FAT3: variants seen among roughly 807,000 people sequenced by gnomAD.
The protein encoded by FAT3 is protocadherin Fat 3.
In FAT3, 95 loss-of-function variants were observed where a neutral mutation model predicts 310.2. That is an observed-to-expected ratio of 0.31 (90% confidence interval 0.26 to 0.36). The LOEUF (loss-of-function observed/expected upper bound fraction) is 0.36, where lower values mean the gene tolerates loss of function less well. Ranked by LOEUF, FAT3 falls within the 10% of genes least tolerant of loss-of-function variation. FAT3 has a pLI of 1.00. For missense variants in FAT3, 5,408 were observed against 5,715.6 expected, an observed-to-expected ratio of 0.95 and a Z score of 1.74; for synonymous variants, 2,314 against 2,192.9, an observed-to-expected ratio of 1.06 and a Z score of -1.54.
intron 1 of FAT3, among the ~76,000 whole-genome samples, chr11:92,239,338 A>G (rs1012617825): frequency 6.6e-6 from 1 of 152,006 alleles, no homozygotes. Flanking sequence ...AGGTTGTAGT[A>G]CCCCTTCAAA....
At chr11:92,712,306 G>A (rs147077058) in intron 4 of FAT3, among the ~76,000 whole-genome samples, 1 of 152,118 alleles carries the variant, frequency 6.6e-6, no homozygotes, top group Non-Finnish European at 1.5e-5. Context: ...AGGGACTCTG[G>A]AAAGACTCTT....
chr11:92,617,936 C>G (rs890390993), intron 3 of FAT3, among the ~76,000 whole-genome samples: 7 of 152,190 alleles, frequency 4.6e-5, no homozygotes, highest in African/African-American at 1.7e-4. Flanking sequence ...GCATCAGGGC[C>G]CACTTGAGGA....
At chr11:92,702,169 A>G (rs1286669071) in intron 4 of FAT3, among the ~76,000 whole-genome samples, 29 of 152,192 alleles carry the variant, frequency 1.9e-4, no homozygotes. Context: ...CATGCTCAGG[A>G]CGCTGTCTGT....
chr11:92,407,610 A>C (rs1019695158), intron 2 of FAT3, among the ~76,000 whole-genome samples: 6 of 152,116 alleles, frequency 3.9e-5, no homozygotes, highest in African/African-American at 1.4e-4. Context: ...ATCAGACTGA[A>C]ATCTAATGTA....
chr11:92,516,370 A>C (rs1188629057), intron 2 of FAT3, among the ~76,000 whole-genome samples: 1 of 152,180 alleles, frequency 6.6e-6, no homozygotes, highest in East Asian at 1.9e-4. Context: ...TCACATAAAC[A>C]GAACCTACGA....
At chr11:92,225,924 T>A (rs984697304) in intron 1 of FAT3, among the ~76,000 whole-genome samples, 1 of 151,728 alleles carries the variant, frequency 6.6e-6, no homozygotes, top group African/African-American at 2.4e-5. Flanking sequence ...GGCGGGCGTG[T>A]GGGAAGGCTG....
chr11:92,253,819 A>G (rs1208450329), intron 1 of FAT3, among the ~76,000 whole-genome samples: 5 of 152,200 alleles, frequency 3.3e-5, no homozygotes, highest in African/African-American at 9.6e-5. Flanking sequence ...TGTTTACTGC[A>G]GAAACATCCA....
chr11:92,334,009 A>T (rs190597040), intron 1 of FAT3, among the ~76,000 whole-genome samples: 1 of 152,292 alleles, frequency 6.6e-6, no homozygotes, highest in Admixed American at 6.5e-5. Context: ...AATGTAGTTA[A>T]CCAGTATTCA....
chr11:92,712,153 G>C (rs963930299), intron 4 of FAT3, among the ~76,000 whole-genome samples: 1 of 152,176 alleles, frequency 6.6e-6, no homozygotes, highest in Non-Finnish European at 1.5e-5. Context: ...GGCTTGACAT[G>C]TCTCTGAGAG....
rs1452550985 is a variant in FAT3 at position 92,895,408 on chromosome 11, A to G, written c.*4295A>G. 3 of 152,224 alleles carry G rather than the reference A, an allele frequency of 2.0e-5. No individual in the cohort carries two copies. Among genetic ancestry groups the G allele is most frequent in the African/African-American group, 7.2e-5 (3 of 41,466 alleles). 9.4% of individuals were successfully genotyped at this position (152,224 alleles called of 1,614,324 possible). A position where few individuals can be genotyped will look rare whatever the true frequency, so the allele number is the denominator to read the frequency against. On this transcript the variant is annotated 3_prime_UTR_variant, in exon 28 of 28. Coordinates refer to ENST00000525166, the MANE Select transcript of FAT3 (RefSeq NM_001367949.2). ...TAATATTTAGCCAGCTGGCTAAGAG[A>G]TAGGAAAAGAATATGATATTTCTTT...
At chr11:92,870,131 G>C (rs10830952) in intron 22 of FAT3, among the ~76,000 whole-genome samples, 46,195 of 152,130 alleles carry the variant, frequency 0.3, 7,851 homozygotes, top group South Asian at 0.46. Flanking sequence ...TTCTCCTGGC[G>C]GCAGACTCCA....
intron 8 of FAT3, among the ~76,000 whole-genome samples, chr11:92,792,376 G>GT (rs766159188): frequency 3.3e-5 from 5 of 152,166 alleles, no homozygotes; most frequent in Non-Finnish European, 7.3e-5. Flanking sequence ...ATTAATTCCA[G>GT]TCTTTAATTG....
chr11:92,374,587 C>A (rs1303883744), intron 2 of FAT3, among the ~76,000 whole-genome samples: 2 of 152,172 alleles, frequency 1.3e-5, no homozygotes, highest in Non-Finnish European at 1.5e-5. Context: ...CCACTATGAA[C>A]TGTAGGAAGA....
At chr11:92,269,638 C>T (rs973618186) in intron 1 of FAT3, among the ~76,000 whole-genome samples, 10 of 152,162 alleles carry the variant, frequency 6.6e-5, no homozygotes, top group Middle Eastern at 3.4e-3. Context: ...ATAATAAAAC[C>T]GTGCATGTCT....
At chr11:92,703,525 G>T (rs979361427) in intron 4 of FAT3, among the ~76,000 whole-genome samples, 2 of 152,206 alleles carry the variant, frequency 1.3e-5, no homozygotes, top group African/African-American at 4.8e-5. Flanking sequence ...GTCAGAAGGA[G>T]AGTTGATGAC....
intron 3 of FAT3, among the ~76,000 whole-genome samples, chr11:92,535,278 T>G (rs548854745): frequency 6.6e-6 from 1 of 152,244 alleles, no homozygotes; most frequent in East Asian, 1.9e-4. Context: ...AGCCAAGGAA[T>G]TCCAAGGATT....
intron 21 of FAT3, among the ~76,000 whole-genome samples, chr11:92,865,423 A>ATTTCC (rs1193539012): frequency 6.6e-6 from 1 of 152,020 alleles, no homozygotes; most frequent in Non-Finnish European, 1.5e-5. Flanking sequence ...TTGTCCTGTC[A>ATTTCC]TTTCCTTTCC....
intron 2 of FAT3, among the ~76,000 whole-genome samples, chr11:92,428,647 AG>A (rs1174089514): frequency 1.3e-5 from 2 of 152,188 alleles, no homozygotes; most frequent in African/African-American, 4.8e-5. Flanking sequence ...TTTACTCAGT[AG>A]TCATTCAGCA....
At chr11:92,291,387 C>T (rs1946691919) in intron 1 of FAT3, among the ~76,000 whole-genome samples, 1 of 152,026 alleles carries the variant, frequency 6.6e-6, no homozygotes, top group African/African-American at 2.4e-5. Context: ...AGAGAGAAGA[C>T]AGGGTAAGAA....
Sources: allele counts gnomAD v4.1 joint callset (sites outside exome capture counted in the v4.1 genomes callset), GRCh38; gene constraint gnomAD v4.1.1; transcripts MANE v1.5; gene names NCBI Gene and HGNC (gene_info 2026-07-23, HGNC 2026-07-21).